FRAS1: variants seen among roughly 807,000 people sequenced by gnomAD.
FRAS1 encodes extracellular matrix organizing protein FRAS1.
Under a neutral mutation model 435.2 loss-of-function variants are expected in FRAS1, and 290 were observed. That is an observed-to-expected ratio of 0.67 (90% CI 0.61 to 0.73). The LOEUF (loss-of-function observed/expected upper bound fraction) is 0.73. FRAS1 is among the 30% of genes least tolerant of loss of function. The pLI, the probability that FRAS1 is intolerant of heterozygous loss-of-function variation, is 0.00. For synonymous variants in FRAS1, 1,800 were observed against 1,851.0 expected, an observed-to-expected ratio of 0.97 and a Z score of 0.71; for missense variants, 4,860 against 5,001.5, an observed-to-expected ratio of 0.97 and a Z score of 0.85.
intron 2 of FRAS1, among the ~76,000 whole-genome samples, chr4:78,159,376 C>T (rs1458791558): frequency 6.6e-6 from 1 of 152,030 alleles, no homozygotes; most frequent in Non-Finnish European, 1.5e-5. Context: ...ATGAGTGGCT[C>T]CTGTGCATTG....
At chr4:78,457,311 T>C (rs1719231517) in intron 47 of FRAS1, among the ~76,000 whole-genome samples, 2 of 152,202 alleles carry the variant, frequency 1.3e-5, no homozygotes, top group South Asian at 2.1e-4. Flanking sequence ...GAAGGACTTC[T>C]GCACCACAGG....
At chr4:78,270,658 CAT>C (rs1044233058) in intron 9 of FRAS1, among the ~76,000 whole-genome samples, 5 of 151,616 alleles carry the variant, frequency 3.3e-5, no homozygotes, top group African/African-American at 1.2e-4. Context: ...AAGAATCTCT[CAT>C]GTGTTTTGTC....
intron 9 of FRAS1, among the ~76,000 whole-genome samples, chr4:78,271,265 C>T (rs1023621218): frequency 1.9e-5 from 1 of 52,918 alleles, no homozygotes; most frequent in African/African-American, 5.1e-5. Context: ...TTTAGAGAAA[C>T]ATTACCATTC....
intron 2 of FRAS1, among the ~76,000 whole-genome samples, chr4:78,207,312 A>T (rs1723303425): frequency 2.0e-5 from 3 of 152,168 alleles, no homozygotes; most frequent in African/African-American, 7.2e-5. Flanking sequence ...TGATTATAAT[A>T]CTCCCAAATC....
intron 52 of FRAS1, among the ~76,000 whole-genome samples, chr4:78,472,905 G>A (rs1290600312): frequency 6.6e-6 from 1 of 152,090 alleles, no homozygotes; most frequent in Non-Finnish European, 1.5e-5. Context: ...CAAAATTCAT[G>A]CTCCATGAAT....
intron 54 of FRAS1, among the ~76,000 whole-genome samples, chr4:78,477,067 T>A (rs1347466401): frequency 6.6e-6 from 1 of 152,058 alleles, no homozygotes; most frequent in Non-Finnish European, 1.5e-5. Flanking sequence ...ATAATTTCTC[T>A]GTTTTGTACT....
intron 56 of FRAS1, among the ~76,000 whole-genome samples, 151 bp downstream of exon 56, chr4:78,479,869 G>T (rs541350799): frequency 2.0e-5 from 3 of 152,216 alleles, no homozygotes; most frequent in African/African-American, 4.8e-5. Flanking sequence ...ATAATGCTTG[G>T]CCAAGACCAA....
intron 18 of FRAS1, among the ~76,000 whole-genome samples, chr4:78,332,095 G>A (rs966528486): frequency 6.6e-5 from 10 of 152,116 alleles, no homozygotes; most frequent in South Asian, 4.1e-4. Context: ...TAATTACAGC[G>A]GTCTGTGAGG....
chr4:78,511,493 G>A lies in FRAS1; in HGVS notation c.10000G>A (p.Glu3334Lys). Residue 3334 changes from glutamate (E) to lysine (K), a missense_variant, in exon 64 of 74, where the codon GAG becomes AAG. Coordinates refer to ENST00000512123, the MANE Select transcript of FRAS1 (RefSeq NM_025074.7). ...GAAATACCTGGATGTCAAACATAAG[G>A]AGCATCCGAACAGGTCAGGCAGGTG... Reference protein sequence around the residue: ...TLKYLDVKHKEHPNRIHISVQ... With the variant: ...TLKYLDVKHKKHPNRIHISVQ... 6.2e-7 allele frequency: 1 copy of A among 1,613,332 alleles called. No individual in the cohort carries two copies. The highest frequency in any genetic ancestry group is 1.1e-5 in the South Asian group (1 of 90,986).
Position 78,315,674 on chromosome 4 carries a change from G to A in FRAS1, c.1759G>A (p.Gly587Arg). ...TACTGAGAAGACAGTGCTGCATGAT[G>A]GGAAATGCATGTCTGAATGCCCTGG... ...TCTEKTVLHD[G>R]KCMSECPGGY... The change falls in exon 16 of 74, where the codon GGG (glycine) becomes AGG (arginine). Residue 587 changes from glycine (G) to arginine (R), a missense_variant. By Grantham distance (125) the Gly-to-Arg change is moderately radical. Transcript: ENST00000512123. 6.2e-7 allele frequency: 1 copy of A among 1,613,958 alleles called. No individual in the cohort carries two copies. The highest frequency in any genetic ancestry group is 8.5e-7 in the Non-Finnish European group (1 of 1,179,866).
rs200267733 is a variant in FRAS1 at position 78,249,064 on chromosome 4, CATAT to C, written c.310-3309_310-3306del. On this transcript the variant is annotated intron_variant, in intron 4 of 73. Coordinates refer to ENST00000512123, the MANE Select transcript of FRAS1 (RefSeq NM_025074.7). ...AGAACTACTGATATATATATATATGCATATATATATATATATATATATGCATGTG... is the reference window on the plus strand; with the variant it reads ...AGAACTACTGATATATATATATATGCATATATATATATATATATGCATGTG... Among the ~76,000 whole-genome samples, 12 of 16,634 alleles carry C rather than the reference CATAT, an allele frequency of 7.2e-4. 2 individuals are homozygous for C. The highest frequency in any genetic ancestry group is 2.3e-3 in the Non-Finnish European group (11 of 4,742). 10.9% of individuals were successfully genotyped at this position (16,634 alleles called of 152,430 possible).
chr4:78,540,905 G>A lies in FRAS1; in HGVS notation c.11820G>A (p.Glu3940=), dbSNP rs1722028997. 3 of 1,613,996 alleles carry A rather than the reference G, an allele frequency of 1.9e-6. No homozygotes were observed. Among genetic ancestry groups the A allele is most frequent in the Non-Finnish European group, 2.5e-6 (3 of 1,179,896 alleles). ...AACAGAGGAAGAAGAAGCCCGCAGA[G>A]GACATTTTGGAAGAATATCCTCTGA... ...CQKQRKKKPA[E]DILEEYPLNT... The change falls in exon 74 of 74, where the codon GAG becomes GAA. Residue 3940 remains glutamate (E), a synonymous_variant. Transcript: ENST00000512123.
chr4:78,295,925 G>A (rs1390053285), intron 14 of FRAS1, among the ~76,000 whole-genome samples: 1 of 151,522 alleles, frequency 6.6e-6, no homozygotes, highest in African/African-American at 2.4e-5. Flanking sequence ...TTATTTTTTT[G>A]TATTTTTAGT....
chr4:78,271,763 C>G (rs925274078), intron 9 of FRAS1, among the ~76,000 whole-genome samples: 1 of 152,044 alleles, frequency 6.6e-6, no homozygotes, highest in African/African-American at 2.4e-5. Context: ...TGAATAGTGC[C>G]GCAATAAACA....
At chr4:78,364,459 C>T (rs1731190121) in intron 22 of FRAS1, among the ~76,000 whole-genome samples, 1 of 152,160 alleles carries the variant, frequency 6.6e-6, no homozygotes, top group East Asian at 1.9e-4. Flanking sequence ...AAGCACGTCT[C>T]TGGATTTAAT....
At chr4:78,408,224 G>T (rs1301825657) in intron 31 of FRAS1, among the ~76,000 whole-genome samples, 2 of 152,090 alleles carry the variant, frequency 1.3e-5, no homozygotes, top group African/African-American at 4.8e-5. Context: ...CGTGATTGTT[G>T]TCTCCCACCG....
chr4:78,405,347 T>C (rs1186295589), intron 30 of FRAS1, among the ~76,000 whole-genome samples: 1 of 152,184 alleles, frequency 6.6e-6, no homozygotes, highest in Non-Finnish European at 1.5e-5. Flanking sequence ...CCTAGAAATC[T>C]ATGTTTATTG....
At chr4:78,096,680 C>T (rs563700552) in intron 2 of FRAS1, among the ~76,000 whole-genome samples, 1 of 152,338 alleles carries the variant, frequency 6.6e-6, no homozygotes, top group Admixed American at 6.5e-5. Context: ...ACATTGGCCC[C>T]TTTCAGCCAT....
chr4:78,370,104 G>A (rs2110304833), intron 23 of FRAS1, 120 bp downstream of exon 23: 1 of 860,208 alleles, frequency 1.2e-6, no homozygotes, highest in East Asian at 2.6e-5. Flanking sequence ...TGTCTCTGAT[G>A]ATAGCAACAA....
Sources: gnomAD v4.1 joint callset for allele counts (sites outside exome capture counted in the v4.1 genomes callset) on GRCh38, gnomAD v4.1.1 for gene constraint, MANE v1.5 for transcripts, NCBI Gene and HGNC (gene_info 2026-07-23, HGNC 2026-07-21) for gene names.